ADGRB3: variants seen among roughly 807,000 people sequenced by gnomAD.
ADGRB3 encodes adhesion G protein-coupled receptor B3, also known as brain-specific angiogenesis inhibitor 3.
Under a neutral mutation model 193.4 loss-of-function variants are expected in ADGRB3, and 37 were observed. The observed-to-expected ratio is 0.19, with a 90% confidence interval of 0.15 to 0.25. The LOEUF is 0.25. ADGRB3 is among the 10% of genes least tolerant of loss of function. The pLI is 1.00. For missense variants in ADGRB3, 1,637 were observed against 1,852.9 expected, an observed-to-expected ratio of 0.88 and a Z score of 2.14; for synonymous variants, 690 against 644.2, an observed-to-expected ratio of 1.07 and a Z score of -1.08.
At chr6:69,166,949 T>G (rs937806613) in intron 17 of ADGRB3, among the ~76,000 whole-genome samples, 1 of 152,252 alleles carries the variant, frequency 6.6e-6, no homozygotes, top group African/African-American at 2.4e-5. Context: ...GAAAAATGTT[T>G]GATGATGTTC....
chr6:69,082,607 G>C (rs1383925261), intron 17 of ADGRB3, among the ~76,000 whole-genome samples: 2 of 151,906 alleles, frequency 1.3e-5, no homozygotes, highest in Non-Finnish European at 2.9e-5. Context: ...TATTTCTAGA[G>C]TTTCCATTTA....
At chr6:69,143,260 A>G (rs1370145103) in intron 17 of ADGRB3, among the ~76,000 whole-genome samples, 4 of 150,762 alleles carry the variant, frequency 2.7e-5, no homozygotes, top group Non-Finnish European at 5.9e-5. Flanking sequence ...GAGTTGTTTG[A>G]GCTCCTTATA....
At chr6:69,148,547 T>C (rs1561934469) in intron 17 of ADGRB3, among the ~76,000 whole-genome samples, 2 of 152,166 alleles carry the variant, frequency 1.3e-5, no homozygotes, top group East Asian at 3.9e-4. Context: ...GTCTTTCTAC[T>C]TAAGATAAGA....
chr6:68,708,129 G>A (rs770527562), intron 3 of ADGRB3, among the ~76,000 whole-genome samples: 4 of 152,132 alleles, frequency 2.6e-5, no homozygotes, highest in Non-Finnish European at 5.9e-5. Context: ...CAGACTTTTT[G>A]TATTTGAGCC....
intron 3 of ADGRB3, among the ~76,000 whole-genome samples, chr6:68,643,318 C>G (rs536134516): frequency 2.2e-4 from 34 of 151,666 alleles, no homozygotes; most frequent in Non-Finnish European, 4.3e-4. Flanking sequence ...TATTTGCAAT[C>G]TAATGTGATT....
chr6:68,861,184 T>C (rs1409166257), intron 3 of ADGRB3, among the ~76,000 whole-genome samples: 1 of 152,182 alleles, frequency 6.6e-6, no homozygotes, highest in Non-Finnish European at 1.5e-5. Flanking sequence ...AGTTTGCAGA[T>C]ATGAATTCCA....
chr6:69,063,473 G>C (rs535322408), intron 16 of ADGRB3, among the ~76,000 whole-genome samples: 5 of 152,012 alleles, frequency 3.3e-5, no homozygotes, highest in African/African-American at 1.2e-4. Context: ...ACTTAAAATT[G>C]GTGAGTTTTA....
chr6:69,197,499 A>G (rs933157610), intron 17 of ADGRB3, among the ~76,000 whole-genome samples: 2 of 152,156 alleles, frequency 1.3e-5, no homozygotes, highest in African/African-American at 4.8e-5. Context: ...TTGGACTTCA[A>G]AATAAGAAAA....
At chr6:69,162,394 A>G (rs1046636749) in intron 17 of ADGRB3, among the ~76,000 whole-genome samples, 28 of 152,266 alleles carry the variant, frequency 1.8e-4, no homozygotes, top group African/African-American at 6.0e-4. Context: ...AAATTCCATT[A>G]AGGGTTTCAG....
At chr6:68,963,899 T>C (rs997657624) in intron 8 of ADGRB3, among the ~76,000 whole-genome samples, 2 of 152,210 alleles carry the variant, frequency 1.3e-5, no homozygotes, top group East Asian at 1.9e-4. Flanking sequence ...ATGAACTATC[T>C]GTTCTCAGCC....
At chr6:69,168,137 C>G (rs985916748) in intron 17 of ADGRB3, among the ~76,000 whole-genome samples, 1 of 152,074 alleles carries the variant, frequency 6.6e-6, no homozygotes, top group Non-Finnish European at 1.5e-5. Context: ...ACCTGAAATT[C>G]TGAGCTGGTG....
intron 29 of ADGRB3, among the ~76,000 whole-genome samples, chr6:69,369,313 T>A (rs1050778650): frequency 6.6e-6 from 1 of 152,156 alleles, no homozygotes; most frequent in African/African-American, 2.4e-5. Context: ...ACTGTATGTA[T>A]ACCAACGGTG....
intron 3 of ADGRB3, among the ~76,000 whole-genome samples, chr6:68,820,501 C>G (rs543227141): frequency 1.1e-3 from 164 of 152,078 alleles, no homozygotes; most frequent in African/African-American, 3.8e-3. Flanking sequence ...TAAGGACATT[C>G]AAATTGCACT....
intron 13 of ADGRB3, among the ~76,000 whole-genome samples, chr6:69,045,625 T>A (rs1165553184): frequency 6.6e-6 from 1 of 152,096 alleles, no homozygotes; most frequent in Non-Finnish European, 1.5e-5. Flanking sequence ...ACATGATAAT[T>A]ATACACTATT....
intron 3 of ADGRB3, among the ~76,000 whole-genome samples, chr6:68,827,421 G>C (rs1582234281): frequency 6.6e-6 from 1 of 152,032 alleles, no homozygotes; most frequent in South Asian, 2.1e-4. Flanking sequence ...TCGGTAGGTA[G>C]GGGAGCAGCG....
At chr6:69,079,759 C>G (rs752183356) in intron 17 of ADGRB3, among the ~76,000 whole-genome samples, 4 of 151,988 alleles carry the variant, frequency 2.6e-5, no homozygotes, top group Non-Finnish European at 5.9e-5. Flanking sequence ...CCTGGAAAAC[C>G]TATAATCCCT....
chr6:68,926,472 G>A (rs961691086), intron 3 of ADGRB3, among the ~76,000 whole-genome samples: 3 of 152,134 alleles, frequency 2.0e-5, no homozygotes, highest in African/African-American at 7.2e-5. Flanking sequence ...GAAAATGTAA[G>A]AAACGGTGCA....
At chr6:68,970,961 A>G (rs1354790015) in intron 8 of ADGRB3, among the ~76,000 whole-genome samples, 1 of 152,218 alleles carries the variant, frequency 6.6e-6, no homozygotes, top group African/African-American at 2.4e-5. Context: ...AGGAGAGGAA[A>G]CAAGCAGCAT....
At chr6:69,287,281 A>G (rs548052576) in intron 20 of ADGRB3, among the ~76,000 whole-genome samples, 102 of 152,166 alleles carry the variant, frequency 6.7e-4, no homozygotes, top group Middle Eastern at 3.2e-3. Context: ...AATAATAACT[A>G]CTAAGTGAAA....
Sources: gnomAD v4.1 joint callset for allele counts (sites outside exome capture counted in the v4.1 genomes callset) on GRCh38, gnomAD v4.1.1 for gene constraint, MANE v1.5 for transcripts, NCBI Gene and HGNC (gene_info 2026-07-23, HGNC 2026-07-21) for gene names.